Variants in PAPPA observed in about 807,000 individuals in gnomAD.
PAPPA encodes the protein pappalysin-1.
In PAPPA, 60 loss-of-function variants were observed where a neutral mutation model predicts 164.0. That is an observed-to-expected ratio of 0.37 (90% CI 0.30 to 0.45). The LOEUF is 0.45. PAPPA is among the 20% of genes least tolerant of loss of function. PAPPA has a pLI of 1.00. For missense variants in PAPPA, 1,782 were observed against 2,087.3 expected (o/e 0.85, Z 2.85); for synonymous variants, 875 against 814.1 (o/e 1.07, Z -1.27).
intron 9 of PAPPA, among the ~76,000 whole-genome samples, chr9:116,280,754 G>A (rs1281315370): frequency 6.6e-6 from 1 of 152,230 alleles, no homozygotes; most frequent in African/African-American, 2.4e-5. Flanking sequence ...AACCCAGCCT[G>A]CTGCCTGTTT....
intron 6 of PAPPA, among the ~76,000 whole-genome samples, chr9:116,232,577 A>G (rs907662781): frequency 1.3e-5 from 2 of 152,218 alleles, no homozygotes; most frequent in African/African-American, 4.8e-5. Context: ...CTTCTGTAAA[A>G]TGAATTTCAT....
rs572687366 is a variant in PAPPA at position 116,343,660 on chromosome 9, T to C, written c.3612-883T>C. The stretch of plus-strand genomic sequence containing the variant: ...ATGAGGTTGGCCAAATTTAAGAGTA[T>C]ACCGAAGCTCAGAGATGTGATGTAC... On this transcript the variant is annotated intron_variant, in intron 13 of 21. Transcript: ENST00000328252. 9.2e-5 allele frequency among the ~76,000 whole-genome samples: 14 copies of C among 152,300 alleles called. No homozygotes were observed. The East Asian group carries it at 2.7e-3, about 29-fold the overall frequency.
intron 21 of PAPPA, among the ~76,000 whole-genome samples, chr9:116,383,942 CAAAAG>C (rs1434422547): frequency 6.6e-6 from 1 of 151,980 alleles, no homozygotes; most frequent in African/African-American, 2.4e-5. Flanking sequence ...AAGAAGAAAA[CAAAAG>C]AATTCACTTA....
At chr9:116,171,584 G>A (rs1036679554) in intron 1 of PAPPA, among the ~76,000 whole-genome samples, 11 of 151,558 alleles carry the variant, frequency 7.3e-5, no homozygotes, top group African/African-American at 2.7e-4. Flanking sequence ...AGTATCAGTA[G>A]CTCAAACAAG....
At chr9:116,328,518 G>C (rs1845948709) in intron 10 of PAPPA, among the ~76,000 whole-genome samples, 3 of 152,290 alleles carry the variant, frequency 2.0e-5, no homozygotes, top group South Asian at 2.1e-4. Flanking sequence ...GAAGTTACCA[G>C]TGATATTCAG....
In PAPPA at chr9:116,347,130, T is replaced by A; in HGVS notation, c.3885T>A (p.Ala1295=). The A allele has an allele frequency of 6.2e-7, 1 of 1,614,180 alleles. No individual in the cohort carries two copies. Among genetic ancestry groups the A allele is most frequent in the Non-Finnish European group, 8.5e-7 (1 of 1,180,010 alleles). ...CSIPDHHQVY[A]ASFSCPEGTT... The stretch of plus-strand genomic sequence containing the variant: ...TCCCAGATCACCATCAAGTCTATGC[T>A]GCCTCCTTCTCCTGCCCTGAGGGCA... Residue 1295 remains alanine, a synonymous_variant, in exon 15 of 22, where the codon GCT becomes GCA. Coordinates refer to ENST00000328252, the MANE Select transcript of PAPPA (RefSeq NM_002581.5). This position sits in a 1 kb window ranked among gnomAD's most constrained non-coding sequence, Gnocchi z 4.5.
chr9:116,301,566 G>C (rs1845579377), intron 9 of PAPPA, among the ~76,000 whole-genome samples: 1 of 152,204 alleles, frequency 6.6e-6, no homozygotes, highest in Admixed American at 6.5e-5. Flanking sequence ...GAAATATCAA[G>C]AAACATGCAT....
intron 8 of PAPPA, among the ~76,000 whole-genome samples, chr9:116,268,833 C>T (rs909727174): frequency 1.7e-5 from 2 of 115,818 alleles, no homozygotes; most frequent in Non-Finnish European, 3.2e-5. Flanking sequence ...ATGGATGTTT[C>T]CCTAAGTAGG....
intron 13 of PAPPA, among the ~76,000 whole-genome samples, chr9:116,339,375 C>T (rs911270847): frequency 1.3e-5 from 2 of 152,128 alleles, no homozygotes; most frequent in Admixed American, 6.6e-5. Flanking sequence ...CCACTCAGCT[C>T]GCTTGAACCC....
chr9:116,322,435 A>ATC (rs1845870098), intron 10 of PAPPA, among the ~76,000 whole-genome samples: 1 of 144,132 alleles, frequency 6.9e-6, no homozygotes, highest in East Asian at 2.1e-4. Context: ...AAAAAAAAAG[A>ATC]GCTGGTGCCC....
intron 7 of PAPPA, among the ~76,000 whole-genome samples, chr9:116,258,644 A>G (rs553177507): frequency 2.0e-4 from 30 of 151,768 alleles, no homozygotes; most frequent in Non-Finnish European, 3.5e-4. Flanking sequence ...CAACAAGAGC[A>G]AAAATAGACC....
chr9:116,221,376 TA>T lies in PAPPA; in HGVS notation c.2111+1252del, dbSNP rs1302218585. Among the ~76,000 whole-genome samples, 10 of 152,238 alleles carry T rather than the reference TA, an allele frequency of 6.6e-5. No individual in the cohort carries two copies. The East Asian group carries it at 1.9e-3, about 29-fold the overall frequency. ...AGTAATGGTGATATATTAATGATGG[TA>T]AAAATAATAACCATGCTAATAATTA... On this transcript the variant is annotated intron_variant, in intron 5 of 21. Transcript: ENST00000328252.
intron 6 of PAPPA, among the ~76,000 whole-genome samples, chr9:116,229,112 G>A (rs1019824216): frequency 6.6e-6 from 1 of 152,128 alleles, no homozygotes; most frequent in Non-Finnish European, 1.5e-5. Context: ...GGTGCTGGGG[G>A]CCCATAAGAA....
Position 116,219,884 on chromosome 9 carries a change from A to ATGCC in PAPPA, c.1919-43_1919-40dup, listed in dbSNP as rs1197298604. 2.0e-5 allele frequency: 30 copies of ATGCC among 1,478,004 alleles called. No homozygotes were observed. In the Middle Eastern group the frequency reaches 7.7e-4, roughly 38 times the overall value. The allele number at this position is 1,478,004 out of a possible 1,614,324, so 91.6% of individuals were successfully genotyped here. On this transcript the variant is annotated intron_variant, in intron 4 of 21. Coordinates refer to ENST00000328252, the MANE Select transcript of PAPPA (RefSeq NM_002581.5). ...CCAGGAGCCGTCATTACTCTCTCATATGCCTGCCTGCCTTGCGGCTTGGTG... is the reference window on the plus strand; with the variant it reads ...CCAGGAGCCGTCATTACTCTCTCATATGCCTGCCTGCCTGCCTTGCGGCTTGGTG...
chr9:116,319,671 C>T (rs915491993), intron 10 of PAPPA, among the ~76,000 whole-genome samples: 1 of 152,096 alleles, frequency 6.6e-6, no homozygotes, highest in African/African-American at 2.4e-5. Flanking sequence ...CTGTGTGGGT[C>T]TCAGTTTTCT....
At chr9:116,195,812 G>T (rs1325718932) in intron 2 of PAPPA, among the ~76,000 whole-genome samples, 1 of 152,158 alleles carries the variant, frequency 6.6e-6, no homozygotes, top group African/African-American at 2.4e-5. Flanking sequence ...GGGAGTAAGA[G>T]ACAGAAGTAA....
intron 2 of PAPPA, among the ~76,000 whole-genome samples, chr9:116,191,172 T>C (rs1587945069): frequency 6.6e-6 from 1 of 152,172 alleles, no homozygotes; most frequent in East Asian, 1.9e-4. Context: ...TTCTAAGCCA[T>C]GGCTGTGACT....
At chr9:116,261,510 C>T (rs111604261) in intron 7 of PAPPA, among the ~76,000 whole-genome samples, 3 of 152,116 alleles carry the variant, frequency 2.0e-5, no homozygotes, top group Admixed American at 6.5e-5. Context: ...GAAAAACAGA[C>T]CCCCGCAAAA....
chr9:116,345,941 G>A (rs1846202081), intron 14 of PAPPA, among the ~76,000 whole-genome samples: 1 of 152,180 alleles, frequency 6.6e-6, no homozygotes, highest in Non-Finnish European at 1.5e-5. Flanking sequence ...CAAACTGCAA[G>A]CACACAGGGC....
Sources: allele counts gnomAD v4.1 joint callset (sites outside exome capture counted in the v4.1 genomes callset), GRCh38; gene constraint gnomAD v4.1.1; non-coding constraint Gnocchi (gnomAD v3.1); transcripts MANE v1.5; gene names NCBI Gene and HGNC (gene_info 2026-07-23, HGNC 2026-07-21).